Variants in PLXNA4 observed in about 807,000 individuals in gnomAD.
PLXNA4 encodes the protein plexin-A4.
Under a neutral mutation model 191.8 loss-of-function variants are expected in PLXNA4, and 44 were observed. The ratio of observed to expected loss-of-function variants is 0.23; its 90% CI spans 0.18 to 0.29. The LOEUF is 0.29. PLXNA4 is among the 10% of genes least tolerant of loss of function. The pLI is 1.00. For synonymous variants in PLXNA4, 1,082 were observed against 1,009.5 expected (o/e 1.07, Z -1.36); for missense variants, 1,800 against 2,488.8 (o/e 0.72, Z 5.89).
chr7:132,610,995 C>T (rs952889146), intron 2 of PLXNA4, among the ~76,000 whole-genome samples: 4 of 152,236 alleles, frequency 2.6e-5, no homozygotes, highest in African/African-American at 4.8e-5. Flanking sequence ...ATCTCTTCTC[C>T]TCCAGTCACT....
At chr7:132,377,668 A>G (rs1353190395) in intron 3 of PLXNA4, among the ~76,000 whole-genome samples, 2 of 152,040 alleles carry the variant, frequency 1.3e-5, no homozygotes, top group Admixed American at 6.6e-5. Context: ...AGACCATTTG[A>G]TTTCCTTGTG....
At chr7:132,130,660 G>A (rs1432604951) in intron 31 of PLXNA4, 86 bp from the exon 32 acceptor site, 1 of 1,591,974 alleles carries the variant, frequency 6.3e-7, no homozygotes, top group Non-Finnish European at 8.6e-7. Flanking sequence ...TGTGGATGTG[G>A]TCAGAAGCCC....
intron 3 of PLXNA4, among the ~76,000 whole-genome samples, chr7:132,482,651 G>C (rs1242404390): frequency 6.6e-6 from 1 of 151,988 alleles, no homozygotes; most frequent in Non-Finnish European, 1.5e-5. Flanking sequence ...GTGTCTCCTG[G>C]GCCAGGAGAG....
At position 132,467,755 on chromosome 7, in the gene PLXNA4, C is replaced by T. The variant is rs544173245; in HGVS notation, c.1371+21537G>A. On this transcript the variant is annotated intron_variant, in intron 3 of 31. Transcript: ENST00000321063. ...TAGGTGGTATGGGAGTAAGTTGTTT[C>T]GGTCTTTCTAATACTTCAAATAACC... 3.9e-5 allele frequency among the ~76,000 whole-genome samples: 6 copies of T among 152,262 alleles called. No homozygotes were observed. In the South Asian group the frequency reaches 8.3e-4, roughly 21 times the overall value.
At chr7:132,465,861 A>C (rs1175304096) in intron 3 of PLXNA4, among the ~76,000 whole-genome samples, 1 of 152,102 alleles carries the variant, frequency 6.6e-6, no homozygotes, top group Non-Finnish European at 1.5e-5. Flanking sequence ...GCCCACAGAG[A>C]CCCATCTGTG....
chr7:132,432,661 G>T (rs1234697553), intron 3 of PLXNA4, among the ~76,000 whole-genome samples: 2 of 152,184 alleles, frequency 1.3e-5, no homozygotes, highest in Non-Finnish European at 2.9e-5. Context: ...GAAGGAGGCT[G>T]TGGGAACATC....
intron 6 of PLXNA4, among the ~76,000 whole-genome samples, chr7:132,228,091 T>C (rs575200464): frequency 3.3e-5 from 5 of 152,196 alleles, no homozygotes; most frequent in Non-Finnish European, 7.3e-5. Context: ...CCTTTGGTCA[T>C]TTTTGGTGAT....
At chr7:132,437,999 G>C (rs1795540360) in intron 3 of PLXNA4, among the ~76,000 whole-genome samples, 1 of 152,326 alleles carries the variant, frequency 6.6e-6, no homozygotes, top group East Asian at 1.9e-4. Flanking sequence ...TCAAGAGGAG[G>C]GGCAGGAACT....
chr7:132,564,547 C>A (rs936616629), intron 1 of PLXNA4, among the ~76,000 whole-genome samples: 1 of 152,134 alleles, frequency 6.6e-6, no homozygotes, highest in African/African-American at 2.4e-5. Context: ...TCTATTCCCA[C>A]GTATGTTGTG....
chr7:132,591,091 A>C (rs7806862), intron 2 of PLXNA4, among the ~76,000 whole-genome samples: 43,880 of 152,040 alleles, frequency 0.29, 6,641 homozygotes, highest in Non-Finnish European at 0.32. Flanking sequence ...GAAAAAGAGC[A>C]TCTGGAAAGG....
chr7:132,254,323 A>G (rs923807536), intron 4 of PLXNA4, among the ~76,000 whole-genome samples: 4 of 152,238 alleles, frequency 2.6e-5, no homozygotes, highest in Admixed American at 2.6e-4. Flanking sequence ...ATGATGAATT[A>G]TGAAACCACT....
At chr7:132,473,637 G>T (rs1427335706) in intron 3 of PLXNA4, among the ~76,000 whole-genome samples, 2 of 152,156 alleles carry the variant, frequency 1.3e-5, no homozygotes, top group Non-Finnish European at 2.9e-5. Flanking sequence ...AATGGGGATG[G>T]ATAGTGATGG....
chr7:132,519,096 G>C (rs1176781988), intron 1 of PLXNA4, among the ~76,000 whole-genome samples: 1 of 152,212 alleles, frequency 6.6e-6, no homozygotes, highest in African/African-American at 2.4e-5. Flanking sequence ...TAAAAACACA[G>C]CACTCTCAAT....
At position 132,278,988 on chromosome 7, in the gene PLXNA4, A is replaced by T. The variant is rs1355901861; in HGVS notation, c.1503+19103T>A. ...CGTGACTCGGCTGGCTCTGTACCAC[A>T]TTGTGTCTCTTGCAAACTGCAGGTG... is the stretch of plus-strand genomic sequence containing the variant. On this transcript the variant is annotated intron_variant, in intron 4 of 31. Transcript: ENST00000321063. 3.3e-5 allele frequency among the ~76,000 whole-genome samples: 5 copies of T among 152,334 alleles called. No homozygotes were observed. In the East Asian group the frequency reaches 9.7e-4, roughly 29 times the overall value.
intron 4 of PLXNA4, among the ~76,000 whole-genome samples, chr7:132,251,014 G>A (rs998152236): frequency 5.4e-5 from 8 of 147,562 alleles, no homozygotes; most frequent in Non-Finnish European, 8.9e-5. Context: ...GGAAGGGGCT[G>A]TTGTCCTGGG....
chr7:132,358,190 G>A (rs1803788416), intron 3 of PLXNA4, among the ~76,000 whole-genome samples: 1 of 152,200 alleles, frequency 6.6e-6, no homozygotes, highest in African/African-American at 2.4e-5. Flanking sequence ...TAATTATCCA[G>A]ATATTTTGAA....
Position 132,501,754 on chromosome 7 carries a change from G to T in PLXNA4, c.1188+5752C>A, listed in dbSNP as rs550880734. Among the ~76,000 whole-genome samples the T allele has an allele frequency of 3.3e-5, 5 of 152,342 alleles. No homozygotes were observed. In the East Asian group the frequency reaches 7.7e-4, roughly 24 times the overall value. On this transcript the variant is annotated intron_variant, in intron 2 of 31. Transcript: ENST00000321063. ...AAGACTTGATTCTATAAAGATTGGGGCTGTGATATGTCAGGCACCCAGTGC... is the reference window on the plus strand; with the variant it reads ...AAGACTTGATTCTATAAAGATTGGGTCTGTGATATGTCAGGCACCCAGTGC...
intron 1 of PLXNA4, among the ~76,000 whole-genome samples, chr7:132,543,285 G>A (rs747249819): frequency 9.2e-5 from 14 of 152,164 alleles, no homozygotes; most frequent in Non-Finnish European, 2.1e-4. Flanking sequence ...AACCCAAAAT[G>A]TTCCCATGCT....
intron 4 of PLXNA4, among the ~76,000 whole-genome samples, chr7:132,247,411 G>GA (rs1054860894): frequency 6.6e-6 from 1 of 152,004 alleles, no homozygotes; most frequent in Non-Finnish European, 1.5e-5. Context: ...AAAAAAGAAA[G>GA]AAAAAAAGAG....
Sources: allele counts gnomAD v4.1 joint callset (sites outside exome capture counted in the v4.1 genomes callset), GRCh38; gene constraint gnomAD v4.1.1; transcripts MANE v1.5; gene names NCBI Gene and HGNC (gene_info 2026-07-23, HGNC 2026-07-21).